The following SIN3B variants were observed in gnomAD, a reference collection of about 807,000 sequenced individuals.
SIN3B encodes paired amphipathic helix protein Sin3b.
SIN3B carries 19 observed loss-of-function variants against 120.2 expected under a neutral mutation model. The observed-to-expected ratio is 0.16, with a 90% CI of 0.11 to 0.23. The LOEUF is 0.23. Among genes scored for constraint, SIN3B ranks in the 10% least tolerant of loss-of-function variants. The pLI is 1.00. For synonymous variants in SIN3B, 654 were observed against 653.2 expected, an observed-to-expected ratio of 1.00 and a Z score of -0.02; for missense variants, 1,073 against 1,573.0, an observed-to-expected ratio of 0.68 and a Z score of 5.38.
In SIN3B at chr19:16,876,219, C is replaced by T; in HGVS notation, c.2757C>T (p.Asn919=). ...CTGAGCGCTGCATGGCCGACGAGAA[C>T]TGCTTCAAGGTGAGAGGAGGCCTGG... ...WKAERCMADE[N]CFKVMFLQRK... Residue 919 remains asparagine (N), a synonymous_variant, in exon 15 of 19, where the codon AAC becomes AAT. Transcript: ENST00000248054. The surrounding 1 kb of genome is among the most constrained non-coding windows in gnomAD (Gnocchi z 7.1). 6.2e-7 allele frequency: 1 copy of T among 1,610,702 alleles called. No individual in the cohort carries two copies. The highest frequency in any genetic ancestry group is 8.5e-7 in the Non-Finnish European group (1 of 1,178,066).
intron 8 of SIN3B, among the ~76,000 whole-genome samples, chr19:16,857,045 T>C (rs1971625397): frequency 6.6e-6 from 1 of 152,196 alleles, no homozygotes; most frequent in African/African-American, 2.4e-5. Context: ...TTTTTATTAT[T>C]ATTTTTGCAT....
At chr19:16,836,389 C>T (rs1475987634) in intron 3 of SIN3B, among the ~76,000 whole-genome samples, 1 of 152,172 alleles carries the variant, frequency 6.6e-6, no homozygotes, top group African/African-American at 2.4e-5. Context: ...TTGCCTTGGC[C>T]TCCTGAGTCA....
intron 12 of SIN3B, among the ~76,000 whole-genome samples, chr19:16,866,903 C>T (rs1207141660): frequency 6.6e-6 from 1 of 152,164 alleles, no homozygotes; most frequent in Non-Finnish European, 1.5e-5. Flanking sequence ...ACTACAGGCG[C>T]ACACCACCAC....
chr19:16,841,649 T>C lies in SIN3B; in HGVS notation c.382-119T>C, dbSNP rs2144583303. The C allele has an allele frequency of 4.2e-6, 4 of 948,714 alleles. No individual in the cohort carries two copies. In the East Asian group the frequency reaches 7.3e-5, roughly 17 times the overall value. The allele number at this position is 948,714 out of a possible 1,614,324, so 58.8% of individuals were successfully genotyped here. A position where few individuals can be genotyped will look rare whatever the true frequency, so the allele number is the denominator to read the frequency against. ...AGAAGTAACCTTTCCCTGTCTCTAA[T>C]ACAGCTTGGCTCCGTGCTGAGTTTT... On this transcript the variant is annotated intron_variant, in intron 3 of 18. Transcript: ENST00000248054.
chr19:16,862,502 A>G lies in SIN3B; in HGVS notation c.1209A>G (p.Ala403=), dbSNP rs1313976952. The G allele has an allele frequency of 1.9e-6, 3 of 1,614,018 alleles. No individual in the cohort carries two copies. The highest frequency in any genetic ancestry group is 3.3e-5 in the Admixed American group (2 of 60,006). ...SCKRIGSSYR[A]LPKTYQQPKC... Reference sequence around the variant, plus strand: ...AGCGCATAGGATCCAGCTACCGGGCACTCCCCAAAACCTACCAGCAGCCCA... The same window carrying G: ...AGCGCATAGGATCCAGCTACCGGGCGCTCCCCAAAACCTACCAGCAGCCCA... The change falls in exon 9 of 19, where the codon GCA becomes GCG. Residue 403 remains alanine, a synonymous_variant. Transcript: ENST00000248054. This position sits in a 1 kb window ranked among gnomAD's most constrained non-coding sequence, Gnocchi z 4.7.
intron 8 of SIN3B, among the ~76,000 whole-genome samples, chr19:16,859,265 A>C (rs982093189): frequency 6.6e-6 from 1 of 152,176 alleles, no homozygotes; most frequent in African/African-American, 2.4e-5. Flanking sequence ...TCCAGCCCCA[A>C]AGCCAGCCCT....
At chr19:16,837,452 T>G (rs962997669) in intron 3 of SIN3B, among the ~76,000 whole-genome samples, 1 of 150,206 alleles carries the variant, frequency 6.7e-6, no homozygotes, top group African/African-American at 2.5e-5. Context: ...TCCCAAGTGA[T>G]GAGGACAGAA....
intron 3 of SIN3B, among the ~76,000 whole-genome samples, chr19:16,835,566 C>T (rs1332546511): frequency 6.7e-6 from 1 of 148,446 alleles, no homozygotes; most frequent in Non-Finnish European, 1.5e-5. Context: ...GTCACCCAGG[C>T]TAGAGTACAA....
chr19:16,871,500 C>T, intron 14 of SIN3B, 102 bp downstream of exon 14: 3 of 1,105,492 alleles, frequency 2.7e-6, no homozygotes, highest in Non-Finnish European at 3.8e-6. Context: ...GCACAGCAAA[C>T]CTATCCTGTT....
At chr19:16,836,574 G>A (rs1971351681) in intron 3 of SIN3B, among the ~76,000 whole-genome samples, 1 of 152,154 alleles carries the variant, frequency 6.6e-6, no homozygotes, top group Non-Finnish European at 1.5e-5. Context: ...CTTGGTTGAC[G>A]GTGAGTCCTT....
rs556505898 is a variant in SIN3B at position 16,844,755 on chromosome 19, C to T, written c.583-2215C>T. On this transcript the variant is annotated intron_variant, in intron 4 of 18. Transcript: ENST00000248054. ...GCGCATATTAAGTGGCCGAGAATTA[C>T]ATGAATGCCACAGCAAATCGGGTAC... is the stretch of plus-strand genomic sequence containing the variant. 9.2e-5 allele frequency among the ~76,000 whole-genome samples: 14 copies of T among 152,366 alleles called. No homozygotes were observed. The East Asian group carries it at 2.5e-3, about 27-fold the overall frequency.
At chr19:16,863,317 AGAATGCAG>A in intron 9 of SIN3B, 45 of 363,678 alleles carry the variant, frequency 1.2e-4, no homozygotes, top group South Asian at 2.5e-4. Flanking sequence ...CCACATTTTA[AGAATGCAG>A]TGTAACAATG....
At chr19:16,865,711 C>G in intron 11 of SIN3B, 63 bp downstream of exon 11, 1 of 1,068,612 alleles carries the variant, frequency 9.4e-7, no homozygotes, top group Non-Finnish European at 1.4e-6. Context: ...CCTCCCCTCC[C>G]CTCCCCTCCC....
intron 2 of SIN3B, among the ~76,000 whole-genome samples, chr19:16,830,670 C>T (rs1971267103): frequency 6.6e-6 from 1 of 152,222 alleles, no homozygotes. Flanking sequence ...GAGCCCAGTG[C>T]TAAGGGCTGG....
chr19:16,832,313 T>G (rs1457480687), intron 3 of SIN3B, among the ~76,000 whole-genome samples: 3 of 150,016 alleles, frequency 2.0e-5, no homozygotes, highest in Non-Finnish European at 4.4e-5. Flanking sequence ...TTCTCCTGCC[T>G]CAGCCTCCCG....
chr19:16,861,047 A>T (rs1489215999), intron 8 of SIN3B, among the ~76,000 whole-genome samples: 2 of 152,064 alleles, frequency 1.3e-5, no homozygotes, highest in African/African-American at 4.8e-5. Context: ...ACCAGGTCTG[A>T]TACTATTTTA....
intron 11 of SIN3B, 102 bp downstream of exon 11, chr19:16,865,750 T>G: frequency 2.6e-6 from 2 of 776,160 alleles, no homozygotes; most frequent in Non-Finnish European, 4.1e-6. Flanking sequence ...GAGAGCTCAT[T>G]AGTGCTGTTT....
chr19:16,845,971 C>A (rs944627897), intron 4 of SIN3B, among the ~76,000 whole-genome samples: 1 of 152,146 alleles, frequency 6.6e-6, no homozygotes. Flanking sequence ...TAGGGTCTCA[C>A]TGTATTGCCC....
At chr19:16,845,916 T>C (rs1410355289) in intron 4 of SIN3B, among the ~76,000 whole-genome samples, 1 of 152,128 alleles carries the variant, frequency 6.6e-6, no homozygotes, top group Non-Finnish European at 1.5e-5. Context: ...TTTAATCATT[T>C]CTCAGCATTT....
Sources: allele counts gnomAD v4.1 joint callset (sites outside exome capture counted in the v4.1 genomes callset), GRCh38; gene constraint gnomAD v4.1.1; non-coding constraint Gnocchi (gnomAD v3.1); transcripts MANE v1.5; gene names NCBI Gene and HGNC (gene_info 2026-07-23, HGNC 2026-07-21).